GRM8: variants seen among roughly 807,000 people sequenced by gnomAD.
GRM8 encodes metabotropic glutamate receptor 8.
In GRM8, 47 loss-of-function variants were observed where a neutral mutation model predicts 87.2. That is an observed-to-expected ratio of 0.54 (90% CI 0.43 to 0.69). The LOEUF (loss-of-function observed/expected upper bound fraction) is 0.69. Among genes scored for constraint, GRM8 ranks in the 30% least tolerant of loss-of-function variants. The pLI is 0.00. For missense variants in GRM8, 1,019 were observed against 1,139.2 expected (o/e 0.89, Z 1.52); for synonymous variants, 396 against 404.5 (o/e 0.98, Z 0.25).
chr7:127,209,710 G>T (rs1490444696), intron 2 of GRM8, among the ~76,000 whole-genome samples: 1 of 152,184 alleles, frequency 6.6e-6, no homozygotes, highest in African/African-American at 2.4e-5. Flanking sequence ...CTAGCCTGAT[G>T]TAGCTCCATC....
intron 9 of GRM8, among the ~76,000 whole-genome samples, chr7:126,520,501 T>C (rs1336019636): frequency 6.6e-6 from 1 of 152,080 alleles, no homozygotes; most frequent in Non-Finnish European, 1.5e-5. Flanking sequence ...GCAGCTTTTC[T>C]AGCAGGAGAT....
In GRM8 at chr7:126,856,823, A is replaced by G. The variant is rs12674061; in HGVS notation, c.1156+45719T>C. Among the ~76,000 whole-genome samples the G allele has an allele frequency of 5.1e-3, 774 of 152,318 alleles. 21 individuals carry two copies. In the East Asian group the frequency reaches 0.067, roughly 13 times the overall value. ...TATGGGGAATACCCATCAAAGTGAC[A>G]TATTATCCACTGGAAGATTCGTGCA... On this transcript the variant is annotated intron_variant, in intron 6 of 10. Transcript: ENST00000339582.
chr7:126,690,821 A>G (rs190311287), intron 7 of GRM8, among the ~76,000 whole-genome samples: 105 of 152,290 alleles, frequency 6.9e-4, no homozygotes, highest in African/African-American at 2.5e-3. Context: ...CTCAGCTCTC[A>G]GCAAAGAGGA....
At chr7:126,892,881 T>C (rs554493859) in intron 6 of GRM8, among the ~76,000 whole-genome samples, 1,819 of 152,246 alleles carry the variant, frequency 0.012, 49 homozygotes, top group African/African-American at 0.042. Flanking sequence ...ATTTCTCTGA[T>C]GGCCAGTGAT....
At chr7:126,441,793 ATAG>A (rs1801494280) in intron 10 of GRM8, among the ~76,000 whole-genome samples, 1 of 65,446 alleles carries the variant, frequency 1.5e-5, no homozygotes, top group African/African-American at 5.9e-5. Context: ...ATTAACTCAG[ATAG>A]CCCTAAGAAG....
chr7:126,481,458 C>T (rs1338293925), intron 9 of GRM8, among the ~76,000 whole-genome samples: 1 of 151,962 alleles, frequency 6.6e-6, no homozygotes, highest in Non-Finnish European at 1.5e-5. Flanking sequence ...TGTAATAAAA[C>T]ATATTACTGC....
At position 126,523,316 on chromosome 7, in the gene GRM8, T is replaced by C. The variant is rs1016048338; in HGVS notation, c.2430+9636A>G. 3.3e-5 allele frequency among the ~76,000 whole-genome samples: 5 copies of C among 152,284 alleles called. No homozygotes were observed. The East Asian group carries it at 9.7e-4, about 29-fold the overall frequency. ...AATAATCTTACATCTCCTGATCCCA[T>C]TGTATAGAATTAATGAGTTTGAATG... On this transcript the variant is annotated intron_variant, in intron 9 of 10. Transcript: ENST00000339582.
intron 7 of GRM8, among the ~76,000 whole-genome samples, chr7:126,614,404 G>A (rs761437322): frequency 7.9e-5 from 12 of 152,108 alleles, no homozygotes; most frequent in Non-Finnish European, 1.5e-4. Context: ...ACCAAAGGCA[G>A]ATAAAAACCA....
intron 3 of GRM8, among the ~76,000 whole-genome samples, chr7:126,989,783 T>A (rs951832196): frequency 6.8e-6 from 1 of 147,486 alleles, no homozygotes; most frequent in Admixed American, 6.6e-5. Flanking sequence ...CTTTACAAAA[T>A]GTACAGAAAA....
At chr7:126,562,953 G>T (rs1046745087) in intron 8 of GRM8, among the ~76,000 whole-genome samples, 1 of 152,130 alleles carries the variant, frequency 6.6e-6, no homozygotes, top group African/African-American at 2.4e-5. Context: ...TCAAAAAGAT[G>T]ACCCAAAGAT....
intron 3 of GRM8, among the ~76,000 whole-genome samples, chr7:126,944,672 C>T (rs1807339896): frequency 6.6e-6 from 1 of 152,034 alleles, no homozygotes; most frequent in African/African-American, 2.4e-5. Context: ...CAAAAGATAA[C>T]ATAAACTAAG....
At chr7:126,672,834 C>T (rs900712417) in intron 7 of GRM8, among the ~76,000 whole-genome samples, 1 of 152,166 alleles carries the variant, frequency 6.6e-6, no homozygotes, top group Non-Finnish European at 1.5e-5. Context: ...ACTCCTGTAA[C>T]CAGAGCCTCT....
intron 7 of GRM8, among the ~76,000 whole-genome samples, chr7:126,726,703 C>T (rs149517565): frequency 1.3e-5 from 2 of 152,132 alleles, no homozygotes; most frequent in Admixed American, 6.6e-5. Flanking sequence ...CCCTATCTCC[C>T]AGAAAAATCT....
At chr7:126,996,335 A>G (rs1242409608) in intron 3 of GRM8, among the ~76,000 whole-genome samples, 2 of 151,494 alleles carry the variant, frequency 1.3e-5, no homozygotes, top group East Asian at 3.9e-4. Context: ...TGTGTAAACT[A>G]TGTTTATCTT....
intron 3 of GRM8, among the ~76,000 whole-genome samples, chr7:126,952,025 A>G (rs1224500476): frequency 1.3e-5 from 2 of 151,672 alleles, no homozygotes; most frequent in African/African-American, 4.8e-5. Context: ...TTTAAAAAAA[A>G]GAAAGAAAGA....
At chr7:127,117,399 G>C (rs1247455594) in intron 2 of GRM8, among the ~76,000 whole-genome samples, 1 of 152,184 alleles carries the variant, frequency 6.6e-6, no homozygotes, top group African/African-American at 2.4e-5. Context: ...GCATCCCAGG[G>C]AGACATGGAG....
intron 7 of GRM8, among the ~76,000 whole-genome samples, chr7:126,680,179 A>G (rs1191243385): frequency 6.6e-6 from 1 of 152,168 alleles, no homozygotes; most frequent in Non-Finnish European, 1.5e-5. Flanking sequence ...CAAGCTCCCA[A>G]CTGGTAGTTA....
At chr7:127,236,471 T>G (rs1797987859) in intron 2 of GRM8, among the ~76,000 whole-genome samples, 1 of 152,160 alleles carries the variant, frequency 6.6e-6, no homozygotes, top group African/African-American at 2.4e-5. Context: ...GAAACCTTCT[T>G]CACAAGGTGG....
At position 126,878,671 on chromosome 7, in the gene GRM8, C is replaced by A. The variant is rs369685142; in HGVS notation, c.1156+23871G>T. Among the ~76,000 whole-genome samples the A allele has an allele frequency of 1.8e-4, 28 of 152,080 alleles. No individual in the cohort carries two copies. The East Asian group carries it at 4.7e-3, about 26-fold the overall frequency. On this transcript the variant is annotated intron_variant, in intron 6 of 10. Coordinates refer to ENST00000339582, the MANE Select transcript of GRM8 (RefSeq NM_000845.3). ...AATAGCTGGGATTATGGGCACCCGC[C>A]ATCATGCCTGGCTAATTTATTTGTG...
Sources: gnomAD v4.1 joint callset for allele counts (sites outside exome capture counted in the v4.1 genomes callset) on GRCh38, gnomAD v4.1.1 for gene constraint, MANE v1.5 for transcripts, NCBI Gene and HGNC (gene_info 2026-07-23, HGNC 2026-07-21) for gene names.